Variants in MAGI2 observed in about 807,000 individuals in gnomAD.
MAGI2 encodes the protein membrane-associated guanylate kinase, WW and PDZ domain-containing protein 2.
MAGI2 carries 35 observed loss-of-function variants against 133.3 expected under a neutral mutation model. The ratio of observed to expected loss-of-function variants is 0.26; its 90% CI spans 0.20 to 0.35. The LOEUF (loss-of-function observed/expected upper bound fraction) is 0.35. Ranked by LOEUF, MAGI2 falls within the 10% of genes least tolerant of loss-of-function variation. MAGI2 has a pLI of 1.00. For synonymous variants in MAGI2, 729 were observed against 710.6 expected (o/e 1.03, Z -0.41); for missense variants, 1,636 against 1,863.4 (o/e 0.88, Z 2.25).
In MAGI2 at chr7:78,476,882, TA is replaced by T. The variant is rs57387572; in HGVS notation, c.1045+12878del. ...AGTGCTCATTTTTTATCTTCACTAG[TA>T]AAAAAAAAAAAATGCTTTTTAAAAA... On this transcript the variant is annotated intron_variant, in intron 6 of 21. Transcript: ENST00000354212. Among the ~76,000 whole-genome samples, 1,278 of 150,866 alleles carry T rather than the reference TA, an allele frequency of 8.5e-3. 25 individuals are homozygous for T. Among genetic ancestry groups the T allele is most frequent in the East Asian group, 0.083 (422 of 5,090 alleles).
chr7:79,012,847 G>A (rs190598621), intron 1 of MAGI2, among the ~76,000 whole-genome samples: 178 of 152,078 alleles, frequency 1.2e-3, no homozygotes, highest in African/African-American at 4.1e-3. Context: ...CAACAGATCC[G>A]GTGCCTGGTA....
At chr7:79,020,019 G>A (rs1055660039) in intron 1 of MAGI2, among the ~76,000 whole-genome samples, 5 of 152,206 alleles carry the variant, frequency 3.3e-5, no homozygotes, top group Admixed American at 2.6e-4. Flanking sequence ...AAAGATGTGC[G>A]AAAGTTTGTA....
At chr7:78,347,154 A>C (rs1159148715) in intron 7 of MAGI2, 1 of 152,242 alleles carries the variant, frequency 6.6e-6, no homozygotes, top group Non-Finnish European at 1.5e-5. Context: ...TTTTGGATAT[A>C]CAATTTCACA....
chr7:78,383,487 T>C (rs1795110553), intron 6 of MAGI2, among the ~76,000 whole-genome samples: 1 of 152,096 alleles, frequency 6.6e-6, no homozygotes. Context: ...GATTTATTTG[T>C]ATATTCTGGA....
chr7:78,930,519 CCT>C (rs1257216681), intron 2 of MAGI2, among the ~76,000 whole-genome samples: 1 of 152,058 alleles, frequency 6.6e-6, no homozygotes, highest in East Asian at 1.9e-4. Flanking sequence ...GTTAATCTTG[CCT>C]CTCTTTTCAA....
chr7:78,310,665 A>G (rs537506533), intron 9 of MAGI2, among the ~76,000 whole-genome samples: 12 of 152,160 alleles, frequency 7.9e-5, no homozygotes, highest in Non-Finnish European at 1.3e-4. Flanking sequence ...CAAGGTGGGA[A>G]ATTGAAAAGT....
At chr7:78,837,543 C>A (rs1379637868) in intron 2 of MAGI2, among the ~76,000 whole-genome samples, 1 of 152,054 alleles carries the variant, frequency 6.6e-6, no homozygotes, top group Non-Finnish European at 1.5e-5. Flanking sequence ...TGGTATTCAT[C>A]AGGTAATTAA....
At position 79,261,941 on chromosome 7, in the gene MAGI2, A is replaced by G. The variant is rs548198442; in HGVS notation, c.301+191079T>C. 3.8e-4 allele frequency among the ~76,000 whole-genome samples: 58 copies of G among 152,212 alleles called. 1 individual carries two copies. The highest frequency in any genetic ancestry group is 6.2e-4 in the Non-Finnish European group (42 of 68,036). On this transcript the variant is annotated intron_variant, in intron 1 of 21. Transcript: ENST00000354212. ...TGCAAGTAACTTTGTTGTTCATTTCAGAAACTTCATGAAATTCCACTTCAA... is the reference window on the plus strand; with the variant it reads ...TGCAAGTAACTTTGTTGTTCATTTCGGAAACTTCATGAAATTCCACTTCAA...
intron 13 of MAGI2, among the ~76,000 whole-genome samples, chr7:78,178,487 G>T (rs1242524779): frequency 6.6e-6 from 1 of 152,138 alleles, no homozygotes; most frequent in South Asian, 2.1e-4. Context: ...GCGCAAGTAA[G>T]AGAGAACAGA....
intron 1 of MAGI2, among the ~76,000 whole-genome samples, chr7:79,367,874 T>TATATATATATATATATATATATATATATA (rs1842814879): frequency 8.8e-6 from 1 of 114,130 alleles, no homozygotes; most frequent in African/African-American, 3.3e-5. Flanking sequence ...TATATATATA[T>TATATATATATATATATATATATATATATA]ATGTCATTGA....
chr7:78,351,042 G>A (rs541599235), intron 7 of MAGI2, among the ~76,000 whole-genome samples: 1 of 152,166 alleles, frequency 6.6e-6, no homozygotes, highest in Non-Finnish European at 1.5e-5. Flanking sequence ...CTTTTAAGTG[G>A]AGACTGTGTC....
chr7:78,899,746 A>G (rs746403179), intron 2 of MAGI2, among the ~76,000 whole-genome samples: 59 of 152,186 alleles, frequency 3.9e-4, no homozygotes, highest in Non-Finnish European at 6.8e-4. Flanking sequence ...ACAGTCTCCA[A>G]GATGATTCTG....
intron 2 of MAGI2, among the ~76,000 whole-genome samples, chr7:78,840,283 A>G (rs1336001675): frequency 1.3e-5 from 2 of 152,006 alleles, no homozygotes; most frequent in East Asian, 3.9e-4. Context: ...TTAAATCTAT[A>G]TAATTGGTTT....
chr7:78,318,378 T>A (rs1048630218), intron 9 of MAGI2, among the ~76,000 whole-genome samples: 1 of 151,990 alleles, frequency 6.6e-6, no homozygotes, highest in Admixed American at 6.6e-5. Context: ...ATATCAGAGA[T>A]TGAAGAGCAA....
intron 2 of MAGI2, among the ~76,000 whole-genome samples, chr7:78,746,087 G>A (rs552002849): frequency 2.0e-5 from 3 of 152,232 alleles, no homozygotes; most frequent in East Asian, 3.9e-4. Context: ...CAGATCTGTC[G>A]AAACAATTCT....
intron 1 of MAGI2, among the ~76,000 whole-genome samples, chr7:79,054,771 G>A (rs192828548): frequency 6.6e-6 from 1 of 152,224 alleles, no homozygotes; most frequent in East Asian, 1.9e-4. Flanking sequence ...CCTTCTCTGA[G>A]CCACTTTGTC....
At chr7:78,334,830 C>T (rs1171976099) in intron 9 of MAGI2, among the ~76,000 whole-genome samples, 1 of 152,082 alleles carries the variant, frequency 6.6e-6, no homozygotes, top group African/African-American at 2.4e-5. Context: ...CAATGAAGAG[C>T]CCCAGAGAAA....
chr7:79,066,071 T>C (rs1562851582), intron 1 of MAGI2, among the ~76,000 whole-genome samples: 1 of 152,192 alleles, frequency 6.6e-6, no homozygotes, highest in Non-Finnish European at 1.5e-5. Flanking sequence ...TTTGGGTATA[T>C]ACCCAGTAAT....
chr7:78,445,255 A>G (rs1168518580), intron 6 of MAGI2, among the ~76,000 whole-genome samples: 1 of 152,044 alleles, frequency 6.6e-6, no homozygotes, highest in Non-Finnish European at 1.5e-5. Context: ...AGAATTTTTG[A>G]TTTTTAAAAA....
Sources: gnomAD v4.1 joint callset for allele counts (sites outside exome capture counted in the v4.1 genomes callset) on GRCh38, gnomAD v4.1.1 for gene constraint, MANE v1.5 for transcripts, NCBI Gene and HGNC (gene_info 2026-07-23, HGNC 2026-07-21) for gene names.